The following FBXL13 variants were observed in gnomAD, a reference collection of about 807,000 sequenced individuals.
The protein encoded by FBXL13 is F-box and leucine-rich repeat protein 13.
Under a neutral mutation model 83.6 loss-of-function variants are expected in FBXL13, and 67 were observed. The ratio of observed to expected loss-of-function variants is 0.80; its 90% CI spans 0.66 to 0.98. The LOEUF (loss-of-function observed/expected upper bound fraction) is 0.98. Among genes scored for constraint, FBXL13 ranks in the 50% least tolerant of loss-of-function variants. The probability of loss-of-function intolerance (pLI) is 0.00; values close to 1 mark genes in which losing one functional copy is unlikely to be tolerated. For missense variants in FBXL13, 822 were observed against 866.5 expected, an observed-to-expected ratio of 0.95 and a Z score of 0.64; for synonymous variants, 272 against 299.5, an observed-to-expected ratio of 0.91 and a Z score of 0.95.
At chr7:102,849,612 T>C (rs1562991329) in intron 17 of FBXL13, among the ~76,000 whole-genome samples, 1 of 152,216 alleles carries the variant, frequency 6.6e-6, no homozygotes, top group Non-Finnish European at 1.5e-5. Context: ...ATTTACTCAC[T>C]TTATTTTATT....
rs763656953 is a variant in FBXL13 at position 102,963,658 on chromosome 7, AAATC to A, written c.595_598del (p.Asp199PhefsTer4). 22 of 1,595,740 alleles carry A rather than the reference AAATC, an allele frequency of 1.4e-5. No homozygotes were observed. In the Admixed American group the frequency reaches 4.1e-4, roughly 29 times the overall value. On this transcript the variant is annotated frameshift_variant, in exon 8 of 20. Coordinates refer to ENST00000313221, the Ensembl canonical transcript of FBXL13. LOFTEE classifies it high-confidence loss of function. ...TGGAATCACATTTTTCACTGAGGAA[AAATC>A]AATCTAAAAAGAATAAACAAAATGC... is the stretch of plus-strand genomic sequence containing the variant.
At chr7:102,866,435 G>T (rs1323977532) in intron 16 of FBXL13, among the ~76,000 whole-genome samples, 1 of 152,120 alleles carries the variant, frequency 6.6e-6, no homozygotes, top group Non-Finnish European at 1.5e-5. Context: ...GACTAGGAGA[G>T]GTCCAGCTCC....
intron 2 of FBXL13, 56 bp downstream of exon 3, chr7:103,055,032 A>G: frequency 9.2e-7 from 1 of 1,091,654 alleles, no homozygotes; most frequent in Non-Finnish European, 1.2e-6. Flanking sequence ...TCTACTTGGA[A>G]AATTCCATCG....
chr7:102,891,094 T>C (rs546172086), intron 11 of FBXL13, among the ~76,000 whole-genome samples: 5 of 152,342 alleles, frequency 3.3e-5, no homozygotes, highest in South Asian at 2.1e-4. Context: ...GCATCTTTAA[T>C]AGCAACACTT....
chr7:102,955,971 C>T lies in FBXL13; in HGVS notation c.724+7562G>A, dbSNP rs150789809. 5.0e-3 allele frequency among the ~76,000 whole-genome samples: 758 copies of T among 152,228 alleles called. 8 individuals carry two copies. Among genetic ancestry groups the T allele is most frequent in the African/African-American group, 0.017 (702 of 41,540 alleles). On this transcript the variant is annotated intron_variant, in intron 8 of 19. Coordinates refer to ENST00000313221, the Ensembl canonical transcript of FBXL13. ...CCAGAAGTACAAACAGGAGGTGGCA[C>T]TATTCCTTCTGAAACTATTCCAATC...
intron 16 of FBXL13, among the ~76,000 whole-genome samples, 194 bp from the exon 18 acceptor site, chr7:102,855,054 T>C (rs986313922): frequency 6.6e-6 from 1 of 152,164 alleles, no homozygotes; most frequent in African/African-American, 2.4e-5. Flanking sequence ...TTAAGTAAAA[T>C]TTTCAGGTTG....
chr7:102,862,497 A>G (rs1807020488), intron 16 of FBXL13, among the ~76,000 whole-genome samples: 1 of 152,200 alleles, frequency 6.6e-6, no homozygotes, highest in South Asian at 2.1e-4. Flanking sequence ...TTTGTGTATC[A>G]ACAAAGAATT....
At chr7:103,010,326 A>G (rs1236150460) in intron 6 of FBXL13, among the ~76,000 whole-genome samples, 1 of 151,992 alleles carries the variant, frequency 6.6e-6, no homozygotes, top group East Asian at 1.9e-4. Context: ...TGGCAGGGTG[A>G]GCGTCCCCAG....
intron 16 of FBXL13, among the ~76,000 whole-genome samples, chr7:102,875,632 CAG>C (rs1809123801): frequency 6.6e-6 from 1 of 152,032 alleles, no homozygotes; most frequent in Non-Finnish European, 1.5e-5. Context: ...ACGGGAAAAG[CAG>C]AAACAACCCT....
chr7:102,982,217 T>C (rs73714541), intron 6 of FBXL13, among the ~76,000 whole-genome samples: 24,526 of 152,078 alleles, frequency 0.16, 2,023 homozygotes, highest in Middle Eastern at 0.21. Context: ...AGAACTATCA[T>C]TGTGCGTCCT....
intron 7 of FBXL13, among the ~76,000 whole-genome samples, chr7:102,967,510 T>C (rs148533110): frequency 0.014 from 2,122 of 152,298 alleles, 23 homozygotes; most frequent in Non-Finnish European, 0.022. Flanking sequence ...TGACCTCAGG[T>C]GATCTGCCCA....
At chr7:102,831,425 A>ACACACACACCC (rs1800655921) in intron 18 of FBXL13, among the ~76,000 whole-genome samples, 1 of 150,994 alleles carries the variant, frequency 6.6e-6, no homozygotes. Flanking sequence ...ACACACACAC[A>ACACACACACCC]CACACACCCC....
intron 2 of FBXL13, chr7:103,047,156 A>G (rs1281525310): frequency 1.3e-5 from 2 of 152,244 alleles, no homozygotes; most frequent in Admixed American, 6.5e-5. Flanking sequence ...CCAAGCGTAC[A>G]TGAAGGTTTG....
chr7:103,008,231 T>C (rs1938032049), intron 6 of FBXL13, among the ~76,000 whole-genome samples: 1 of 152,158 alleles, frequency 6.6e-6, no homozygotes, highest in Non-Finnish European at 1.5e-5. Flanking sequence ...GTCAAGGTTA[T>C]GAAAATTAAA....
At chr7:102,984,203 A>G (rs1314484671) in intron 6 of FBXL13, among the ~76,000 whole-genome samples, 1 of 152,206 alleles carries the variant, frequency 6.6e-6, no homozygotes, top group Non-Finnish European at 1.5e-5. Context: ...TGATCACATT[A>G]AAAAGCCAAT....
At chr7:102,910,582 G>A (rs1045264317) in intron 11 of FBXL13, among the ~76,000 whole-genome samples, 1 of 151,826 alleles carries the variant, frequency 6.6e-6, no homozygotes, top group Non-Finnish European at 1.5e-5. Context: ...TAGACACCAC[G>A]TGAATCCCCA....
intron 6 of FBXL13, among the ~76,000 whole-genome samples, chr7:102,979,813 T>C (rs370280394): frequency 2.6e-5 from 4 of 152,122 alleles, no homozygotes; most frequent in African/African-American, 7.2e-5. Flanking sequence ...TACTGAAAAT[T>C]ACAAAACATT....
chr7:102,994,109 G>A (rs992826093), intron 6 of FBXL13, among the ~76,000 whole-genome samples: 5 of 152,074 alleles, frequency 3.3e-5, no homozygotes, highest in South Asian at 4.1e-4. Context: ...ACATTAATAA[G>A]CATAACAAAC....
intron 6 of FBXL13, among the ~76,000 whole-genome samples, chr7:103,019,004 A>C (rs1485635391): frequency 6.6e-6 from 1 of 152,224 alleles, no homozygotes; most frequent in African/African-American, 2.4e-5. Flanking sequence ...CTCCACCCCA[A>C]ATCAACAGAA....
Sources: gnomAD v4.1 joint callset for allele counts (sites outside exome capture counted in the v4.1 genomes callset) on GRCh38, gnomAD v4.1.1 for gene constraint, MANE v1.5 for transcripts, NCBI Gene and HGNC (gene_info 2026-07-23, HGNC 2026-07-21) for gene names.